The following PPARGC1B variants were observed in gnomAD, a reference collection of about 807,000 sequenced individuals.
PPARGC1B encodes the protein peroxisome proliferator-activated receptor gamma coactivator 1-beta.
A neutral mutation model predicts 101.6 loss-of-function variants in PPARGC1B; 34 were observed. The observed-to-expected ratio is 0.33, with a 90% CI of 0.25 to 0.45. The LOEUF (loss-of-function observed/expected upper bound fraction) is 0.45. PPARGC1B is among the 20% of genes least tolerant of loss of function. PPARGC1B has a pLI of 1.00. For synonymous variants in PPARGC1B, 548 were observed against 539.3 expected, an observed-to-expected ratio of 1.02 and a Z score of -0.22; for missense variants, 1,234 against 1,317.6, an observed-to-expected ratio of 0.94 and a Z score of 0.98.
At chr5:149,775,408 C>T (rs1327862079) in intron 1 of PPARGC1B, among the ~76,000 whole-genome samples, 1 of 152,128 alleles carries the variant, frequency 6.6e-6, no homozygotes, top group East Asian at 1.9e-4. Flanking sequence ...CTGCCTGCCG[C>T]CCAGGTTGCT....
intron 1 of PPARGC1B, among the ~76,000 whole-genome samples, chr5:149,773,531 T>C (rs1030215216): frequency 6.6e-6 from 1 of 152,214 alleles, no homozygotes; most frequent in Admixed American, 6.5e-5. Flanking sequence ...TGCTCTGTTC[T>C]AGCCTGGTCC....
intron 2 of PPARGC1B, among the ~76,000 whole-genome samples, chr5:149,821,178 T>G (rs1432629927): frequency 6.6e-6 from 1 of 152,226 alleles, no homozygotes; most frequent in Non-Finnish European, 1.5e-5. Context: ...TATTAATTCA[T>G]TTAAATTTCT....
At chr5:149,752,923 T>G (rs986804868) in intron 1 of PPARGC1B, among the ~76,000 whole-genome samples, 37 of 152,166 alleles carry the variant, frequency 2.4e-4, no homozygotes, top group African/African-American at 8.4e-4. Flanking sequence ...GCACTCACAT[T>G]CTTGTGTTTC....
chr5:149,833,777 A>G lies in PPARGC1B; in HGVS notation c.1704A>G (p.Arg568=). 3.3e-6 allele frequency: 5 copies of G among 1,511,878 alleles called. 1 individual carries two copies. In the South Asian group the frequency reaches 3.9e-5, roughly 12 times the overall value. The allele number at this position is 1,511,878 out of a possible 1,614,324, so 93.7% of individuals were successfully genotyped here. The change falls in exon 5 of 12, where the codon AGA becomes AGG. Residue 568 remains arginine (R), a splice_region_variant and synonymous_variant. Transcript: ENST00000309241. This position sits in a 1 kb window ranked among gnomAD's most constrained non-coding sequence, Gnocchi z 4.1. ...CCAGCTGCCCGCAGCTCCCTCCCAG[A>G]GGTAGTCAGAGTTGGTGGTCTGCGA... ...EDPSCPQLPP[R]DSPRCLMLAL... is the part of the protein sequence containing the mutation.
At chr5:149,845,647 G>A (rs553332184) in intron 10 of PPARGC1B, 113 bp from the exon 11 acceptor site, 743 of 1,114,044 alleles carry the variant, frequency 6.7e-4, no homozygotes, top group Non-Finnish European at 8.8e-4. Context: ...AGGGGGCCAC[G>A]TGATGTGGGT....
intron 1 of PPARGC1B, among the ~76,000 whole-genome samples, chr5:149,731,570 C>T (rs1162382228): frequency 7.6e-6 from 1 of 132,030 alleles, no homozygotes; most frequent in East Asian, 2.5e-4. Flanking sequence ...GTGGGAGCGC[C>T]GGTGCCGGCC....
Position 149,830,840 on chromosome 5 carries a change from G to T in PPARGC1B, c.539G>T (p.Arg180Leu). 4 of 1,614,104 alleles carry T rather than the reference G, an allele frequency of 2.5e-6. No homozygotes were observed. Among genetic ancestry groups the T allele is most frequent in the Non-Finnish European group, 3.4e-6 (4 of 1,179,932 alleles). The change falls in exon 4 of 12, where the codon CGC becomes CTC. Residue 180 changes from arginine (R) to leucine (L), a missense_variant. This residue lies in a region of PPARGC1B where 734 missense variants were observed against 768.4 expected (regional missense o/e 0.96). Transcript: ENST00000309241. ...SDTQKEGTAW[R>L]QAGLRSKSQR... ...ACCCAGAAGGAAGGGACCGCCTGGC[G>T]CCAGGCAGGCCTCAGATCTAAAAGT...
chr5:149,817,763 G>A (rs1357925480), intron 1 of PPARGC1B: 1 of 456,718 alleles, frequency 2.2e-6, no homozygotes, highest in Admixed American at 2.3e-5. Flanking sequence ...TCATACAGCT[G>A]ATGGGAGTGT....
chr5:149,764,266 A>G (rs1368576429), intron 1 of PPARGC1B, among the ~76,000 whole-genome samples: 2 of 152,166 alleles, frequency 1.3e-5, no homozygotes, highest in Non-Finnish European at 2.9e-5. Context: ...GGGCTGGGCC[A>G]TGTGTGGATG....
Position 149,836,935 on chromosome 5 carries a change from T to A in PPARGC1B, c.2480T>A (p.Val827Asp). 6.2e-7 allele frequency: 1 copy of A among 1,612,562 alleles called. No homozygotes were observed. Among genetic ancestry groups the A allele is most frequent in the South Asian group, 1.1e-5 (1 of 90,986 alleles). ...GACGATGAAGAAGAGGACTCAGGGG[T>A]CAGCCCCACTTGCTCTGACCACTGC... ...EEDDEEEDSG[V>D]SPTCSDHCPY... The change falls in exon 8 of 12, where the codon GTC (valine) becomes GAC (aspartate). Residue 827 changes from valine to aspartate, a missense_variant. This residue lies in a region of PPARGC1B where 497 missense variants were observed against 529.5 expected (regional missense o/e 0.94). Coordinates refer to ENST00000309241, the MANE Select transcript of PPARGC1B (RefSeq NM_133263.4).
chr5:149,741,461 T>C (rs1754904708), intron 1 of PPARGC1B, among the ~76,000 whole-genome samples: 1 of 152,136 alleles, frequency 6.6e-6, no homozygotes, highest in African/African-American at 2.4e-5. Context: ...CAGCCCCTGC[T>C]CAAAACACCT....
intron 1 of PPARGC1B, among the ~76,000 whole-genome samples, chr5:149,797,186 G>C (rs959349385): frequency 7.2e-5 from 11 of 152,196 alleles, no homozygotes; most frequent in Non-Finnish European, 5.9e-5. Flanking sequence ...TCTGGGATCA[G>C]AGCCTGGGAT....
intron 1 of PPARGC1B, among the ~76,000 whole-genome samples, chr5:149,768,245 C>A (rs985810952): frequency 6.6e-6 from 1 of 152,092 alleles, no homozygotes; most frequent in African/African-American, 2.4e-5. Flanking sequence ...TTAAGGCCAC[C>A]AGATGCAGCT....
chr5:149,818,470 C>T lies in PPARGC1B; in HGVS notation c.79-1963C>T, dbSNP rs576885697. On this transcript the variant is annotated intron_variant, in intron 1 of 11. Coordinates refer to ENST00000309241, the MANE Select transcript of PPARGC1B (RefSeq NM_133263.4). ...GCCTGCTTGAGGACAGGGGACCGGCCGCTTGAGAGGACCTGGGCCTGTTGC... is the reference window on the plus strand; with the variant it reads ...GCCTGCTTGAGGACAGGGGACCGGCTGCTTGAGAGGACCTGGGCCTGTTGC... 5.9e-5 allele frequency among the ~76,000 whole-genome samples: 9 copies of T among 152,222 alleles called. No homozygotes were observed. In the East Asian group the frequency reaches 9.6e-4, roughly 16 times the overall value.
intron 1 of PPARGC1B, among the ~76,000 whole-genome samples, chr5:149,762,818 G>T (rs893982723): frequency 6.6e-6 from 1 of 151,886 alleles, no homozygotes; most frequent in African/African-American, 2.4e-5. Flanking sequence ...GATGGGTCTC[G>T]CTCTGTTGCC....
chr5:149,795,788 C>T (rs926125962), intron 1 of PPARGC1B, among the ~76,000 whole-genome samples: 1 of 139,920 alleles, frequency 7.1e-6, no homozygotes, highest in African/African-American at 2.6e-5. Flanking sequence ...ATGGTGGGGG[C>T]AGGGGGGGAT....
At chr5:149,810,001 G>T (rs1343435750) in intron 1 of PPARGC1B, among the ~76,000 whole-genome samples, 1 of 152,150 alleles carries the variant, frequency 6.6e-6, no homozygotes, top group East Asian at 1.9e-4. Flanking sequence ...CCCCGGGGTG[G>T]ACACTCAAGC....
intron 1 of PPARGC1B, among the ~76,000 whole-genome samples, chr5:149,757,590 T>G (rs1407707624): frequency 6.6e-6 from 1 of 152,226 alleles, no homozygotes; most frequent in African/African-American, 2.4e-5. Context: ...GCTTCCTCGT[T>G]GGCTCTCCAG....
chr5:149,842,454 G>T (rs558753623), intron 10 of PPARGC1B, 77 bp downstream of exon 10: 2 of 1,567,436 alleles, frequency 1.3e-6, no homozygotes, highest in South Asian at 2.3e-5. Context: ...GGTACCAGAA[G>T]ATGCCCAAGA....
Sources: gnomAD v4.1 joint callset for allele counts (sites outside exome capture counted in the v4.1 genomes callset) on GRCh38, gnomAD v4.1.1 for gene constraint, gnomAD v4.1.1 regional missense constraint, Gnocchi (gnomAD v3.1) non-coding constraint, MANE v1.5 for transcripts, NCBI Gene and HGNC (gene_info 2026-07-23, HGNC 2026-07-21) for gene names.